The following SYNJ2 variants were observed in gnomAD, a reference collection of about 807,000 sequenced individuals.
SYNJ2 encodes synaptojanin 2.
Under a neutral mutation model 141.3 loss-of-function variants are expected in SYNJ2, and 116 were observed. The observed-to-expected ratio is 0.82, with a 90% CI of 0.71 to 0.96. SYNJ2 has a LOEUF of 0.96. Ranked by LOEUF, SYNJ2 falls within the 40% of genes least tolerant of loss-of-function variation. The pLI is 0.00. For missense variants in SYNJ2, 1,873 were observed against 1,934.8 expected, an observed-to-expected ratio of 0.97 and a Z score of 0.60; for synonymous variants, 745 against 777.7, an observed-to-expected ratio of 0.96 and a Z score of 0.70.
At chr6:158,029,087 G>C (rs1439908243) in intron 3 of SYNJ2, 61 bp downstream of exon 3, 2 of 1,575,788 alleles carry the variant, frequency 1.3e-6, no homozygotes, top group Non-Finnish European at 8.6e-7. Context: ...GGTGGGCCCT[G>C]GTTGGCATCT....
chr6:158,002,241 G>A (rs1777891572), intron 1 of SYNJ2: 1 of 152,296 alleles, frequency 6.6e-6, no homozygotes, highest in Non-Finnish European at 1.5e-5. Context: ...ATTGAAGTGT[G>A]ACAGGGTGCG....
At chr6:158,049,095 C>T (rs1328127731) in intron 5 of SYNJ2, among the ~76,000 whole-genome samples, 2 of 152,136 alleles carry the variant, frequency 1.3e-5, no homozygotes, top group Non-Finnish European at 2.9e-5. Context: ...CTGATCGAGA[C>T]TCTGCTGTGA....
intron 1 of SYNJ2, among the ~76,000 whole-genome samples, chr6:157,983,441 C>T (rs898665536): frequency 6.6e-6 from 1 of 152,214 alleles, no homozygotes; most frequent in African/African-American, 2.4e-5. Context: ...TAGATGTCTA[C>T]TTCATACCAC....
chr6:157,986,364 G>C (rs2128313322), intron 1 of SYNJ2, among the ~76,000 whole-genome samples: 1 of 152,320 alleles, frequency 6.6e-6, no homozygotes, highest in Middle Eastern at 3.4e-3. Flanking sequence ...GTTTGAGACG[G>C]AGTCTCTTTG....
chr6:157,982,384 A>G lies in SYNJ2; in HGVS notation c.127+296A>G, dbSNP rs1473461327. 6.6e-6 allele frequency among the ~76,000 whole-genome samples: 1 copy of G among 152,286 alleles called. No homozygotes were observed. Among genetic ancestry groups the G allele is most frequent in the Non-Finnish European group, 1.5e-5 (1 of 68,014 alleles). On this transcript the variant is annotated intron_variant, in intron 1 of 26. Coordinates refer to ENST00000355585, the MANE Select transcript of SYNJ2 (RefSeq NM_003898.4). This position sits in a 1 kb window ranked among gnomAD's most constrained non-coding sequence, Gnocchi z 4.0. ...GCCGGCTGGGGCGCTTTGCGTATTCATGAGGATCCCGGGGTGTTGACTTAG... is the reference window on the plus strand; with the variant it reads ...GCCGGCTGGGGCGCTTTGCGTATTCGTGAGGATCCCGGGGTGTTGACTTAG...
intron 26 of SYNJ2, 97 bp from the exon 27 acceptor site, chr6:158,095,521 G>A: frequency 7.0e-7 from 1 of 1,432,400 alleles, no homozygotes; most frequent in East Asian, 2.4e-5. Context: ...TGTCAGCTTG[G>A]TCTCATCTCT....
chr6:158,059,629 A>G, intron 7 of SYNJ2: 1 of 1,050,562 alleles, frequency 9.5e-7, no homozygotes, highest in Non-Finnish European at 1.2e-6. Flanking sequence ...ATCTCAGCTC[A>G]CTGCAACCTC....
In SYNJ2 at chr6:157,982,265, A is replaced by G. The variant is rs1167533798; in HGVS notation, c.127+177A>G. ...AATGAAGTGGGGCTGGGGACTCGAG[A>G]GAGCACTCTGGCTGGGCCGGTGGCG... On this transcript the variant is annotated intron_variant, in intron 1 of 26. Coordinates refer to ENST00000355585, the MANE Select transcript of SYNJ2 (RefSeq NM_003898.4). This position sits in a 1 kb window ranked among gnomAD's most constrained non-coding sequence, Gnocchi z 4.0. Among the ~76,000 whole-genome samples the G allele has an allele frequency of 6.6e-6, 1 of 152,064 alleles. No individual in the cohort carries two copies. The highest frequency in any genetic ancestry group is 1.5e-5 in the Non-Finnish European group (1 of 68,002).
At chr6:157,984,380 T>A (rs1321775403) in intron 1 of SYNJ2, among the ~76,000 whole-genome samples, 1 of 152,234 alleles carries the variant, frequency 6.6e-6, no homozygotes, top group Non-Finnish European at 1.5e-5. Flanking sequence ...TTTACTTTCC[T>A]TTCTTGGAGA....
At position 158,040,860 on chromosome 6, in the gene SYNJ2, G is replaced by GCA. The variant is rs904629887; in HGVS notation, c.712-2454_712-2453dup. Among the ~76,000 whole-genome samples, 1 of 152,140 alleles carries GCA rather than the reference G, an allele frequency of 6.6e-6. No individual in the cohort carries two copies. Among genetic ancestry groups the GCA allele is most frequent in the African/African-American group, 2.4e-5 (1 of 41,430 alleles). On this transcript the variant is annotated intron_variant, in intron 4 of 26. Coordinates refer to ENST00000355585, the MANE Select transcript of SYNJ2 (RefSeq NM_003898.4). This position sits in a 1 kb window ranked among gnomAD's most constrained non-coding sequence, Gnocchi z 4.2. ...CTGGCCTGGCCTCATCACAGCACTGGCACGGGCCTCCGACTTTTCTTCCCG... is the reference window on the plus strand; with the variant it reads ...CTGGCCTGGCCTCATCACAGCACTGGCACACGGGCCTCCGACTTTTCTTCCCG...
At chr6:158,023,121 G>A (rs949548565) in intron 2 of SYNJ2, among the ~76,000 whole-genome samples, 3 of 152,062 alleles carry the variant, frequency 2.0e-5, no homozygotes, top group Non-Finnish European at 4.4e-5. Context: ...TGCCAGGAGC[G>A]GTGGTGCACG....
chr6:158,058,631 T>C (rs968730058), intron 6 of SYNJ2, among the ~76,000 whole-genome samples: 1 of 152,180 alleles, frequency 6.6e-6, no homozygotes. Context: ...GCACATTGCA[T>C]GTGTAAGACT....
At chr6:157,987,294 T>G (rs529208764) in intron 1 of SYNJ2, among the ~76,000 whole-genome samples, 1 of 151,922 alleles carries the variant, frequency 6.6e-6, no homozygotes, top group African/African-American at 2.4e-5. Context: ...GCCAACAGAT[T>G]AGGATGATTA....
chr6:158,061,094 T>C (rs1781192823), intron 7 of SYNJ2, among the ~76,000 whole-genome samples: 1 of 152,258 alleles, frequency 6.6e-6, no homozygotes, highest in Non-Finnish European at 1.5e-5. Flanking sequence ...TGCTTGATGA[T>C]GGCAGCACTG....
At chr6:158,016,367 G>A (rs1314567666) in intron 1 of SYNJ2, among the ~76,000 whole-genome samples, 6 of 152,240 alleles carry the variant, frequency 3.9e-5, no homozygotes, top group African/African-American at 1.2e-4. Context: ...GCCTGCCTTC[G>A]CCTCCCAAAG....
intron 5 of SYNJ2, among the ~76,000 whole-genome samples, chr6:158,049,287 G>A (rs1301258090): frequency 6.6e-6 from 1 of 152,146 alleles, no homozygotes; most frequent in African/African-American, 2.4e-5. Flanking sequence ...CAGTGACAGT[G>A]GTGGACCCTG....
chr6:157,998,797 A>T (rs1777727521), intron 1 of SYNJ2, among the ~76,000 whole-genome samples: 1 of 152,230 alleles, frequency 6.6e-6, no homozygotes, highest in East Asian at 1.9e-4. Flanking sequence ...CATAGAGAAA[A>T]ATGAACACTC....
chr6:157,996,001 G>C (rs139724164), intron 1 of SYNJ2, among the ~76,000 whole-genome samples: 7 of 152,318 alleles, frequency 4.6e-5, no homozygotes, highest in Admixed American at 4.6e-4. Context: ...CAACACTATA[G>C]AGATGGCAGT....
intron 1 of SYNJ2, among the ~76,000 whole-genome samples, chr6:157,993,158 A>G (rs1777513734): frequency 1.3e-5 from 2 of 152,218 alleles, no homozygotes; most frequent in Admixed American, 6.5e-5. Flanking sequence ...ACTGTGTACA[A>G]GGGTTTCCTT....
Sources: gnomAD v4.1 joint callset for allele counts (sites outside exome capture counted in the v4.1 genomes callset) on GRCh38, gnomAD v4.1.1 for gene constraint, Gnocchi (gnomAD v3.1) non-coding constraint, MANE v1.5 for transcripts, NCBI Gene and HGNC (gene_info 2026-07-23, HGNC 2026-07-21) for gene names.